ARHGEF3: variants seen among roughly 807,000 people sequenced by gnomAD.
ARHGEF3 encodes Rho guanine nucleotide exchange factor 3.
In ARHGEF3, 28 loss-of-function variants were observed where a neutral mutation model predicts 63.2. The observed-to-expected ratio is 0.44, with a 90% CI of 0.33 to 0.61. The LOEUF is 0.61. Ranked by LOEUF, ARHGEF3 falls within the 20% of genes least tolerant of loss-of-function variation. The pLI, the probability that ARHGEF3 is intolerant of heterozygous loss-of-function variation, is 0.03. For synonymous variants in ARHGEF3, 266 were observed against 254.2 expected, an observed-to-expected ratio of 1.05 and a Z score of -0.44; for missense variants, 533 against 659.3, an observed-to-expected ratio of 0.81 and a Z score of 2.10.
Position 56,729,095 on chromosome 3 carries a change from C to G in ARHGEF3, c.*175G>C. 1 of 606,976 alleles carries G rather than the reference C, an allele frequency of 1.6e-6. No individual in the cohort carries two copies. The highest frequency in any genetic ancestry group is 2.1e-5 in the South Asian group (1 of 46,940). The allele number at this position is 606,976 out of a possible 1,614,324, so 37.6% of individuals were successfully genotyped here. A position where few individuals can be genotyped will look rare whatever the true frequency, so the allele number is the denominator to read the frequency against. The stretch of plus-strand genomic sequence containing the variant: ...TAGTTGCCACAGATTCCAGCTTACA[C>G]AGACAGATTGGCAGTTACAGTACTA... On this transcript the variant is annotated 3_prime_UTR_variant, in exon 10 of 10. Coordinates refer to ENST00000296315, the MANE Select transcript of ARHGEF3 (RefSeq NM_019555.3).
chr3:56,914,394 C>T (rs1472580923), intron 3 of ARHGEF3, among the ~76,000 whole-genome samples: 1 of 152,142 alleles, frequency 6.6e-6, no homozygotes, highest in South Asian at 2.1e-4. Flanking sequence ...AATGGATAAG[C>T]AAAATGTGGT....
At chr3:57,038,281 A>G (rs1405725821) in intron 1 of ARHGEF3, among the ~76,000 whole-genome samples, 1 of 152,204 alleles carries the variant, frequency 6.6e-6, no homozygotes, top group Admixed American at 6.5e-5. Flanking sequence ...CATTTCAGGA[A>G]TCGGGTAAGG....
chr3:56,840,562 C>G (rs2039278533), intron 4 of ARHGEF3, among the ~76,000 whole-genome samples: 1 of 152,206 alleles, frequency 6.6e-6, no homozygotes, highest in Non-Finnish European at 1.5e-5. Flanking sequence ...CTGAGGGACT[C>G]AGCGCAGTGC....
intron 7 of ARHGEF3, among the ~76,000 whole-genome samples, chr3:56,737,593 A>G (rs2033718383): frequency 6.6e-6 from 1 of 152,132 alleles, no homozygotes; most frequent in Non-Finnish European, 1.5e-5. Context: ...AGATATTTGT[A>G]TTATATATAA....
chr3:56,854,711 C>T (rs1015807591), intron 4 of ARHGEF3, among the ~76,000 whole-genome samples: 19 of 145,190 alleles, frequency 1.3e-4, no homozygotes, highest in Non-Finnish European at 2.8e-4. Flanking sequence ...TGATGCCACC[C>T]CAGCTTCTGG....
intron 2 of ARHGEF3, among the ~76,000 whole-genome samples, chr3:57,022,573 T>G (rs549691609): frequency 5.2e-4 from 79 of 152,338 alleles, no homozygotes; most frequent in Non-Finnish European, 8.8e-4. Flanking sequence ...TCCTCTTCTC[T>G]ACTTGTGTGA....
chr3:56,739,258 G>A (rs534677165), intron 7 of ARHGEF3, among the ~76,000 whole-genome samples: 12 of 151,974 alleles, frequency 7.9e-5, no homozygotes, highest in East Asian at 1.9e-4. Flanking sequence ...CCTCTTCTTC[G>A]TCACATTTAC....
chr3:56,983,870 A>G (rs1440259392), intron 2 of ARHGEF3, among the ~76,000 whole-genome samples: 1 of 137,728 alleles, frequency 7.3e-6, no homozygotes, highest in African/African-American at 2.7e-5. Flanking sequence ...TTGGGGGCGG[A>G]GGTTGCAGTG....
intron 9 of ARHGEF3, among the ~76,000 whole-genome samples, chr3:56,731,118 G>A (rs1047915814): frequency 1.3e-5 from 2 of 152,190 alleles, no homozygotes; most frequent in Non-Finnish European, 2.9e-5. Flanking sequence ...CCTACTCCTA[G>A]GGTAGAGGGA....
intron 8 of ARHGEF3, among the ~76,000 whole-genome samples, chr3:56,736,910 T>C (rs2033660907): frequency 6.6e-6 from 1 of 152,040 alleles, no homozygotes; most frequent in Non-Finnish European, 1.5e-5. Flanking sequence ...CTGGCCAACG[T>C]GGTGAAACCC....
At chr3:56,729,709 C>A (rs2032984456) in intron 9 of ARHGEF3, 87 bp from the exon 10 acceptor site, 3 of 1,120,124 alleles carry the variant, frequency 2.7e-6, no homozygotes, top group Admixed American at 2.3e-5. Flanking sequence ...CACTAAACCC[C>A]AGAATCCATG....
In ARHGEF3 at chr3:56,755,123, C is replaced by T. The variant is rs750092129; in HGVS notation, c.233G>A (p.Arg78His). The T allele has an allele frequency of 1.9e-6, 3 of 1,613,754 alleles. No homozygotes were observed. The highest frequency in any genetic ancestry group is 2.2e-5 in the East Asian group (1 of 44,878). Residue 78 changes from arginine to histidine, a missense_variant, in exon 3 of 10, where the codon CGC becomes CAC. Transcript: ENST00000296315. ...GGGTCGGGGGGCGAGGATGTCAGGG[C>T]GGCTCTCACTGCGGAAGCTAATGGA... ...QRSISFRSES[R>H]PDILAPRPWS... is the part of the protein sequence containing the mutation.
intron 4 of ARHGEF3, among the ~76,000 whole-genome samples, chr3:56,845,513 T>C (rs2039459277): frequency 6.6e-6 from 1 of 152,186 alleles, no homozygotes; most frequent in Non-Finnish European, 1.5e-5. Context: ...CCTACAGCAT[T>C]ATTCTAAAAA....
intron 1 of ARHGEF3, among the ~76,000 whole-genome samples, chr3:57,041,156 T>C (rs1032701201): frequency 6.6e-6 from 1 of 152,236 alleles, no homozygotes; most frequent in African/African-American, 2.4e-5. Context: ...CATTCCATTC[T>C]GTTCCTAGTT....
At chr3:56,853,706 C>T (rs1382918522) in intron 4 of ARHGEF3, among the ~76,000 whole-genome samples, 1 of 152,184 alleles carries the variant, frequency 6.6e-6, no homozygotes, top group African/African-American at 2.4e-5. Flanking sequence ...ATTTATAACA[C>T]CTCTTCCACA....
chr3:56,860,486 G>C lies in ARHGEF3; in HGVS notation c.192+21806C>G, dbSNP rs114236787. Among the ~76,000 whole-genome samples, 1,103 of 152,240 alleles carry C rather than the reference G, an allele frequency of 7.2e-3. 14 individuals carry two copies. The highest frequency in any genetic ancestry group is 0.02 in the African/African-American group (841 of 41,544). On this transcript the variant is annotated intron_variant, in intron 4 of 12. Coordinates refer to the ARHGEF3 transcript ENST00000338458. ...TCTAGCCTGTTTAAATAACAGATAT[G>C]GTGGCAGATCTAACCACTACTGTCA...
At chr3:56,916,496 G>GT in intron 3 of ARHGEF3, 1 of 1,378,536 alleles carries the variant, frequency 7.3e-7, no homozygotes, top group African/African-American at 1.5e-5. Flanking sequence ...GGGGCCATCA[G>GT]TTACAAGTGT....
At chr3:56,901,437 T>C (rs2041504280) in intron 3 of ARHGEF3, among the ~76,000 whole-genome samples, 1 of 151,202 alleles carries the variant, frequency 6.6e-6, no homozygotes, top group Non-Finnish European at 1.5e-5. Flanking sequence ...TACATATATA[T>C]ACATACTGTA....
At chr3:56,826,834 T>C (rs1339833132) in intron 4 of ARHGEF3, among the ~76,000 whole-genome samples, 1 of 152,238 alleles carries the variant, frequency 6.6e-6, no homozygotes, top group African/African-American at 2.4e-5. Context: ...CTTTTTTGCT[T>C]AAATGAAAAT....
Sources: gnomAD v4.1 joint callset for allele counts (sites outside exome capture counted in the v4.1 genomes callset) on GRCh38, gnomAD v4.1.1 for gene constraint, MANE v1.5 for transcripts, NCBI Gene and HGNC (gene_info 2026-07-23, HGNC 2026-07-21) for gene names.